UNC13B: variants seen among roughly 807,000 people sequenced by gnomAD.
UNC13B encodes the protein unc-13 homolog B, also known as protein unc-13 homolog B.
UNC13B carries 144 observed loss-of-function variants against 211.0 expected under a neutral mutation model. The observed-to-expected ratio is 0.68, with a 90% confidence interval of 0.60 to 0.78. The LOEUF (loss-of-function observed/expected upper bound fraction) is 0.78. UNC13B is among the 30% of genes least tolerant of loss of function. The probability of loss-of-function intolerance (pLI) is 0.00; values close to 1 mark genes in which losing one functional copy is unlikely to be tolerated. For missense variants in UNC13B, 1,777 were observed against 2,002.0 expected (o/e 0.89, Z 2.14); for synonymous variants, 709 against 725.8 (o/e 0.98, Z 0.37).
chr9:35,182,125 A>G (rs1266639183), intron 1 of UNC13B, among the ~76,000 whole-genome samples: 3 of 152,268 alleles, frequency 2.0e-5, no homozygotes, highest in South Asian at 2.1e-4. Flanking sequence ...ATTTGTTCCT[A>G]TATCATCTTC....
intron 1 of UNC13B, among the ~76,000 whole-genome samples, chr9:35,201,556 A>C (rs1823290535): frequency 1.3e-5 from 2 of 152,120 alleles, no homozygotes; most frequent in Admixed American, 6.5e-5. Context: ...TTCCTGGTTT[A>C]GTCTTGGGAG....
chr9:35,254,993 T>G, intron 6 of UNC13B, among the ~76,000 whole-genome samples: 1 of 115,170 alleles, frequency 8.7e-6, no homozygotes, highest in Admixed American at 1.1e-4. Context: ...TATGTATATA[T>G]TATATTATAT....
At chr9:35,284,339 G>A (rs1461961919) in intron 7 of UNC13B, among the ~76,000 whole-genome samples, 1 of 152,160 alleles carries the variant, frequency 6.6e-6, no homozygotes, top group Non-Finnish European at 1.5e-5. Flanking sequence ...TTATACTTCA[G>A]TAGAGCTTGC....
intron 5 of UNC13B, among the ~76,000 whole-genome samples, chr9:35,242,307 A>G (rs1482974951): frequency 6.6e-6 from 1 of 152,178 alleles, no homozygotes; most frequent in Non-Finnish European, 1.5e-5. Context: ...AAGAGACATA[A>G]CTGAAAATTT....
intron 7 of UNC13B, among the ~76,000 whole-genome samples, chr9:35,291,967 A>C (rs1829121025): frequency 6.6e-6 from 1 of 152,024 alleles, no homozygotes; most frequent in Non-Finnish European, 1.5e-5. Context: ...AGCATGTGGG[A>C]GTTATTTATA....
At chr9:35,286,614 CT>C (rs1431886386) in intron 7 of UNC13B, among the ~76,000 whole-genome samples, 1 of 151,952 alleles carries the variant, frequency 6.6e-6, no homozygotes, top group Non-Finnish European at 1.5e-5. Flanking sequence ...AATCCCAGCA[CT>C]TTGGGAGGCT....
At chr9:35,380,372 C>T in intron 17 of UNC13B, 98 bp from the exon 18 acceptor site, 1 of 1,335,160 alleles carries the variant, frequency 7.5e-7, no homozygotes, top group Non-Finnish European at 1.0e-6. Context: ...TTCAGGGCCT[C>T]AAGTGCAGCT....
intron 11 of UNC13B, among the ~76,000 whole-genome samples, chr9:35,338,946 A>G (rs1380457108): frequency 6.6e-6 from 1 of 152,202 alleles, no homozygotes; most frequent in African/African-American, 2.4e-5. Context: ...TATTTCTGTG[A>G]CACCACTCAG....
At chr9:35,360,661 T>G (rs1049619551) in intron 11 of UNC13B, 2 of 152,134 alleles carry the variant, frequency 1.3e-5, no homozygotes, top group Non-Finnish European at 2.9e-5. Context: ...AGTTAAAAAT[T>G]TTTTTTGAAA....
intron 3 of UNC13B, among the ~76,000 whole-genome samples, chr9:35,235,248 C>A (rs879296080): frequency 6.6e-6 from 1 of 152,036 alleles, no homozygotes; most frequent in Non-Finnish European, 1.5e-5. Context: ...TTGTATTTAT[C>A]ATTATCCCAT....
intron 11 of UNC13B, chr9:35,353,176 T>C: frequency 1.7e-5 from 21 of 1,232,162 alleles, no homozygotes; most frequent in Non-Finnish European, 2.0e-5. Flanking sequence ...AGGAGGAATG[T>C]GCTGCTCACG....
chr9:35,165,081 C>T (rs1234178703), intron 1 of UNC13B, among the ~76,000 whole-genome samples: 3 of 152,168 alleles, frequency 2.0e-5, no homozygotes, highest in African/African-American at 7.2e-5. Flanking sequence ...CATGTAGGAA[C>T]CGAACCATTT....
At chr9:35,269,699 G>T (rs972810211) in intron 7 of UNC13B, among the ~76,000 whole-genome samples, 2 of 152,216 alleles carry the variant, frequency 1.3e-5, no homozygotes, top group African/African-American at 4.8e-5. Context: ...AATAACAAAA[G>T]ACAGTCTTAT....
At chr9:35,379,843 T>G (rs1257949750) in intron 17 of UNC13B, among the ~76,000 whole-genome samples, 2 of 152,088 alleles carry the variant, frequency 1.3e-5, no homozygotes, top group Non-Finnish European at 2.9e-5. Flanking sequence ...AGTTACAACT[T>G]TTGGGTGAAA....
At chr9:35,222,976 C>A (rs1199021424) in intron 1 of UNC13B, among the ~76,000 whole-genome samples, 1 of 152,210 alleles carries the variant, frequency 6.6e-6, no homozygotes, top group Non-Finnish European at 1.5e-5. Flanking sequence ...TAGCTTATTT[C>A]ACTTAACATG....
intron 1 of UNC13B, among the ~76,000 whole-genome samples, chr9:35,178,242 C>A (rs1821744028): frequency 6.6e-6 from 1 of 152,160 alleles, no homozygotes; most frequent in East Asian, 1.9e-4. Flanking sequence ...GGCACAGTGG[C>A]TCATGCCTGT....
chr9:35,334,198 T>G (rs1831525750), intron 11 of UNC13B, among the ~76,000 whole-genome samples: 1 of 152,162 alleles, frequency 6.6e-6, no homozygotes, highest in Admixed American at 6.5e-5. Context: ...ACTCCTGACC[T>G]CAGGTGATCT....
chr9:35,296,050 C>A, intron 8 of UNC13B, 120 bp downstream of exon 8: 2 of 838,932 alleles, frequency 2.4e-6, no homozygotes, highest in Non-Finnish European at 3.7e-6. Context: ...GTATCACCGG[C>A]CAAACTACAG....
intron 11 of UNC13B, among the ~76,000 whole-genome samples, chr9:35,343,619 T>C (rs958314477): frequency 3.3e-5 from 5 of 152,142 alleles, no homozygotes; most frequent in Non-Finnish European, 5.9e-5. Context: ...AGGATCAAAG[T>C]GAGCAGGTGA....
Sources: gnomAD v4.1 joint callset for allele counts (sites outside exome capture counted in the v4.1 genomes callset) on GRCh38, gnomAD v4.1.1 for gene constraint, MANE v1.5 for transcripts, NCBI Gene and HGNC (gene_info 2026-07-23, HGNC 2026-07-21) for gene names.